The following PPIL6 variants were observed in gnomAD, a reference collection of about 807,000 sequenced individuals.
The protein encoded by PPIL6 is probable inactive peptidyl-prolyl cis-trans isomerase-like 6.
PPIL6 carries 39 observed loss-of-function variants against 36.8 expected under a neutral mutation model. The observed-to-expected ratio is 1.06, with a 90% CI of 0.82 to 1.38. The LOEUF is 1.38. Ranked by LOEUF, PPIL6 falls within the 40% of genes most tolerant of loss-of-function variation. The probability of loss-of-function intolerance (pLI) is 0.00; values close to 1 mark genes in which losing one functional copy is unlikely to be tolerated. For synonymous variants in PPIL6, 123 were observed against 134.1 expected (o/e 0.92, Z 0.57); for missense variants, 368 against 379.1 (o/e 0.97, Z 0.24).
rs1215297079 is a variant in PPIL6 at position 109,390,752 on chromosome 6, C to G, written c.*2074G>C. 6.6e-6 allele frequency: 1 copy of G among 152,142 alleles called. No individual in the cohort carries two copies. Among genetic ancestry groups the G allele is most frequent in the African/African-American group, 2.4e-5 (1 of 41,428 alleles). 9.4% of individuals were successfully genotyped at this position (152,142 alleles called of 1,614,324 possible). A position where few individuals can be genotyped will look rare whatever the true frequency, so the allele number is the denominator to read the frequency against. On this transcript the variant is annotated 3_prime_UTR_variant, in exon 8 of 8. Coordinates refer to ENST00000521072, the MANE Select transcript of PPIL6 (RefSeq NM_173672.5). The stretch of plus-strand genomic sequence containing the variant: ...CACACATTGTACCAATGTCAGCTGC[C>G]TGGTTTGATATTGTACTACCGTTTT...
chr6:109,399,015 T>A (rs1772411707), intron 7 of PPIL6, among the ~76,000 whole-genome samples: 1 of 152,136 alleles, frequency 6.6e-6, no homozygotes, highest in African/African-American at 2.4e-5. Flanking sequence ...CAATCATGGC[T>A]CCCAGGCTCA....
intron 5 of PPIL6, 27 bp from the exon 6 acceptor site, chr6:109,419,270 A>T: frequency 7.2e-7 from 1 of 1,395,706 alleles, no homozygotes; most frequent in Non-Finnish European, 1.0e-6. Context: ...AATAAACATT[A>T]GAATTTTGAG....
At chr6:109,427,916 G>A (rs770840177) in intron 3 of PPIL6, among the ~76,000 whole-genome samples, 8 of 152,120 alleles carry the variant, frequency 5.3e-5, no homozygotes, top group Non-Finnish European at 8.8e-5. Context: ...GTTACTGTGC[G>A]TCCTGGATTT....
chr6:109,400,878 G>A (rs1347019311), intron 6 of PPIL6, among the ~76,000 whole-genome samples: 3 of 151,104 alleles, frequency 2.0e-5, no homozygotes, highest in African/African-American at 7.3e-5. Flanking sequence ...TTTGTTTTTT[G>A]AGAGGGAGTC....
At chr6:109,428,551 AAG>A (rs200752500) in intron 3 of PPIL6, among the ~76,000 whole-genome samples, 35,891 of 134,952 alleles carry the variant, frequency 0.27, 4,805 homozygotes, top group Middle Eastern at 0.35. Context: ...AGACCCTATG[AAG>A]AAAAAAAAAA....
chr6:109,440,763 G>T (rs181183799), upstream of PPIL6: 75 of 340,998 alleles, frequency 2.2e-4, no homozygotes, highest in African/African-American at 1.6e-3. Context: ...CGGCGCGCGG[G>T]CGGCCGCGAC....
At chr6:109,431,687 C>T (rs182426119) in intron 2 of PPIL6, among the ~76,000 whole-genome samples, 25 of 152,314 alleles carry the variant, frequency 1.6e-4, no homozygotes, top group African/African-American at 5.5e-4. Flanking sequence ...CTCACTCTCC[C>T]TTGAGCTAAA....
intron 5 of PPIL6, 146 bp downstream of exon 5, chr6:109,426,701 T>C: frequency 2.2e-6 from 1 of 463,396 alleles, no homozygotes; most frequent in Non-Finnish European, 3.7e-6. Flanking sequence ...AATATCTTAC[T>C]TCATTATTTG....
intron 6 of PPIL6, among the ~76,000 whole-genome samples, chr6:109,405,414 T>G (rs995492640): frequency 6.6e-6 from 1 of 152,228 alleles, no homozygotes; most frequent in Admixed American, 6.5e-5. Context: ...CATCCCTTTC[T>G]TTTCCTTACA....
chr6:109,431,391 G>A lies in PPIL6; in HGVS notation c.232-46C>T, dbSNP rs368901771. 1,681 of 1,428,066 alleles carry A rather than the reference G, an allele frequency of 1.2e-3. 2 individuals are homozygous for A. Among genetic ancestry groups the A allele is most frequent in the Non-Finnish European group, 1.3e-3 (1,349 of 1,048,394 alleles). The allele number at this position is 1,428,066 out of a possible 1,614,324, so 88.5% of individuals were successfully genotyped here. On this transcript the variant is annotated intron_variant, in intron 2 of 7. Coordinates refer to ENST00000521072, the MANE Select transcript of PPIL6 (RefSeq NM_173672.5). ...AAAAAAAAAAAACGTAAGAAGTGGG[G>A]GGAAAACTTGCTAAACCCATAAGCC... is the stretch of plus-strand genomic sequence containing the variant.
intron 6 of PPIL6, among the ~76,000 whole-genome samples, chr6:109,403,949 T>C (rs1178165141): frequency 6.6e-6 from 1 of 152,172 alleles, no homozygotes; most frequent in Non-Finnish European, 1.5e-5. Flanking sequence ...ACCCATGCCT[T>C]AGCTGTTCTG....
At chr6:109,440,244 T>C (rs1235059335) in intron 1 of PPIL6, 11 of 660,630 alleles carry the variant, frequency 1.7e-5, no homozygotes, top group Non-Finnish European at 1.6e-5. Context: ...AGTCGCCAAG[T>C]GGAACGCCCG....
intron 6 of PPIL6, among the ~76,000 whole-genome samples, chr6:109,409,587 T>C (rs1464651770): frequency 6.8e-6 from 1 of 148,046 alleles, no homozygotes. Flanking sequence ...AAGAAAGAGG[T>C]CAAATTATCC....
chr6:109,411,016 T>C lies in PPIL6; in HGVS notation c.688+8171A>G, dbSNP rs545574678. ...GGCTCATTTTTGTTTGTGGCATGAA[T>C]GGGAAGAAGTTACAACCTGAACTGC... On this transcript the variant is annotated intron_variant, in intron 6 of 7. Coordinates refer to ENST00000521072, the MANE Select transcript of PPIL6 (RefSeq NM_173672.5). Among the ~76,000 whole-genome samples, 4 of 152,172 alleles carry C rather than the reference T, an allele frequency of 2.6e-5. No homozygotes were observed. The East Asian group carries it at 7.7e-4, about 29-fold the overall frequency.
At chr6:109,435,480 T>G in intron 2 of PPIL6, among the ~76,000 whole-genome samples, 2 of 151,988 alleles carry the variant, frequency 1.3e-5, no homozygotes, top group African/African-American at 4.8e-5. Flanking sequence ...GTATTTTTCG[T>G]AGAGACGGAG....
intron 6 of PPIL6, among the ~76,000 whole-genome samples, chr6:109,405,636 T>TA (rs899034380): frequency 6.6e-6 from 1 of 152,194 alleles, no homozygotes. Flanking sequence ...CGCCCCCACT[T>TA]ACATTCTTCC....
At chr6:109,433,265 C>T (rs546696569) in intron 2 of PPIL6, among the ~76,000 whole-genome samples, 2 of 152,212 alleles carry the variant, frequency 1.3e-5, no homozygotes, top group South Asian at 4.1e-4. Context: ...CCATGTTGGC[C>T]AGGCTGGTCT....
upstream of PPIL6, chr6:109,441,083 A>C: frequency 6.2e-7 from 1 of 1,611,266 alleles, no homozygotes; most frequent in Non-Finnish European, 8.5e-7. Context: ...CCGTCGCTGG[A>C]GAGTTCGAGC....
At chr6:109,422,603 G>T (rs1355898363) in intron 5 of PPIL6, among the ~76,000 whole-genome samples, 1 of 152,040 alleles carries the variant, frequency 6.6e-6, no homozygotes, top group Admixed American at 6.6e-5. Context: ...AAAAAAGAAT[G>T]TGGGAATGTC....
Sources: allele counts gnomAD v4.1 joint callset (sites outside exome capture counted in the v4.1 genomes callset), GRCh38; gene constraint gnomAD v4.1.1; transcripts MANE v1.5; gene names NCBI Gene and HGNC (gene_info 2026-07-23, HGNC 2026-07-21).